Variants in WDFY3 observed in about 807,000 individuals in gnomAD.
The protein encoded by WDFY3 is WD repeat and FYVE domain containing 3.
A neutral mutation model predicts 409.6 loss-of-function variants in WDFY3; 66 were observed. The observed-to-expected ratio is 0.16, with a 90% CI of 0.13 to 0.20. WDFY3 has a LOEUF of 0.20. Ranked by LOEUF, WDFY3 falls within the 10% of genes least tolerant of loss-of-function variation. The pLI is 1.00. For synonymous variants in WDFY3, 1,521 were observed against 1,537.1 expected (o/e 0.99, Z 0.25); for missense variants, 3,031 against 4,298.1 (o/e 0.71, Z 8.24).
In WDFY3 at chr4:84,677,233, G is replaced by A. The variant is rs1242162716; in HGVS notation, c.10423C>T (p.His3475Tyr). Residue 3475 changes from histidine to tyrosine, a missense_variant, in exon 67 of 68, where the codon CAT becomes TAT. By Grantham distance (83) the His-to-Tyr change is moderately conservative. Around this residue, in one of 16 missense-constraint regions of WDFY3, gnomAD observed 378 missense variants for 477.3 expected, o/e 0.79. Transcript: ENST00000295888. ...VRFSLTERRH[H>Y]CRNCGQLFCQ... ...AAGAGCTGACCACAGTTCCTGCAAT[G>A]GTGTCGTCTTTCTGTGAGTGAAAAC... 6.2e-7 allele frequency: 1 copy of A among 1,614,206 alleles called. No individual in the cohort carries two copies. Among genetic ancestry groups the A allele is most frequent in the Non-Finnish European group, 8.5e-7 (1 of 1,180,034 alleles).
intron 3 of WDFY3, among the ~76,000 whole-genome samples, chr4:84,871,925 T>C (rs553151837): frequency 7.9e-5 from 12 of 152,356 alleles, no homozygotes; most frequent in South Asian, 2.1e-4. Flanking sequence ...TGAGCCATCA[T>C]GCCTAGCTTT....
At position 84,757,052 on chromosome 4, in the gene WDFY3, G is replaced by A; in HGVS notation, c.5298C>T (p.His1766=). 1 of 1,614,104 alleles carries A rather than the reference G, an allele frequency of 6.2e-7. No homozygotes were observed. Among genetic ancestry groups the A allele is most frequent in the South Asian group, 1.1e-5 (1 of 91,080 alleles). ...FPVLQSFLPK[H]TNVPALYFLL... ...GAAAATAGAGGGCAGGGACATTAGT[G>A]TGTTTAGGAAGGAATGACTGAAGGA... is the stretch of plus-strand genomic sequence containing the variant. Residue 1766 remains histidine, a synonymous_variant, in exon 33 of 68, where the codon CAC becomes CAT. Coordinates refer to ENST00000295888, the MANE Select transcript of WDFY3 (RefSeq NM_014991.6).
Position 84,767,378 on chromosome 4 carries a change from A to T in WDFY3, c.4850-1006T>A, listed in dbSNP as rs915667952. Among the ~76,000 whole-genome samples the T allele has an allele frequency of 3.3e-5, 5 of 152,204 alleles. No individual in the cohort carries two copies. In the East Asian group the frequency reaches 9.7e-4, roughly 29 times the overall value. On this transcript the variant is annotated intron_variant, in intron 30 of 67. Coordinates refer to ENST00000295888, the MANE Select transcript of WDFY3 (RefSeq NM_014991.6). ...GCCTCCCTATTCCCTGAGTCACAATAATATCGAAATTAGACTAAGTAATAA... is the reference window on the plus strand; with the variant it reads ...GCCTCCCTATTCCCTGAGTCACAATTATATCGAAATTAGACTAAGTAATAA...
chr4:84,699,427 T>C (rs964714566), intron 56 of WDFY3, among the ~76,000 whole-genome samples: 1 of 152,234 alleles, frequency 6.6e-6, no homozygotes, highest in Non-Finnish European at 1.5e-5. Flanking sequence ...TTTCACTGTA[T>C]GTATATGCTA....
chr4:84,699,935 TTG>T (rs1339951947), intron 56 of WDFY3, among the ~76,000 whole-genome samples: 3 of 151,818 alleles, frequency 2.0e-5, no homozygotes, highest in Admixed American at 6.6e-5. Context: ...GTTATAAAAG[TTG>T]TTTATATTCT....
At chr4:84,702,134 A>C (rs1731156531) in intron 56 of WDFY3, among the ~76,000 whole-genome samples, 1 of 152,190 alleles carries the variant, frequency 6.6e-6, no homozygotes, top group Admixed American at 6.5e-5. Context: ...CAGCCTCCTA[A>C]GTAGCTGGGA....
At chr4:84,719,851 T>C (rs1413141077) in intron 47 of WDFY3, among the ~76,000 whole-genome samples, 2 of 152,194 alleles carry the variant, frequency 1.3e-5, no homozygotes, top group Admixed American at 6.5e-5. Context: ...GGTGTACTTT[T>C]ATAGTTACAT....
intron 2 of WDFY3, among the ~76,000 whole-genome samples, chr4:84,908,673 A>G (rs1030841039): frequency 6.6e-6 from 1 of 152,174 alleles, no homozygotes; most frequent in South Asian, 2.1e-4. Flanking sequence ...GCTAGTATGA[A>G]GTATAGCTCT....
chr4:84,745,829 A>G (rs1334315015), intron 36 of WDFY3, among the ~76,000 whole-genome samples: 3 of 152,152 alleles, frequency 2.0e-5, no homozygotes, highest in Non-Finnish European at 4.4e-5. Context: ...AGCCGATACT[A>G]CATTGGGAGT....
At chr4:84,903,827 T>A (rs541550534) in intron 2 of WDFY3, among the ~76,000 whole-genome samples, 1 of 152,326 alleles carries the variant, frequency 6.6e-6, no homozygotes, top group Non-Finnish European at 1.5e-5. Flanking sequence ...CACTACGCTA[T>A]ACACATGTAT....
chr4:84,723,616 A>T (rs1560601917), intron 46 of WDFY3, among the ~76,000 whole-genome samples: 1 of 152,044 alleles, frequency 6.6e-6, no homozygotes, highest in African/African-American at 2.4e-5. Flanking sequence ...GTCAAAATTT[A>T]TAAAGTGAGA....
intron 17 of WDFY3, among the ~76,000 whole-genome samples, chr4:84,798,869 G>A (rs1386628158): frequency 6.9e-6 from 1 of 145,032 alleles, no homozygotes; most frequent in Non-Finnish European, 1.5e-5. Context: ...TATTGCTTAA[G>A]ACTCTTCCAT....
At chr4:84,845,567 C>A (rs1309408489) in intron 5 of WDFY3, among the ~76,000 whole-genome samples, 1 of 151,594 alleles carries the variant, frequency 6.6e-6, no homozygotes, top group African/African-American at 2.4e-5. Context: ...GAGGGTAGAT[C>A]CCATATTAAG....
At chr4:84,706,548 GAAAA>G (rs34198168) in intron 53 of WDFY3, among the ~76,000 whole-genome samples, 1 of 111,240 alleles carries the variant, frequency 9.0e-6, no homozygotes, top group Non-Finnish European at 2.0e-5. Context: ...TTAAAATGGT[GAAAA>G]AAAAAAAAAA....
intron 45 of WDFY3, among the ~76,000 whole-genome samples, 176 bp from the exon 46 acceptor site, chr4:84,724,770 C>G (rs749521944): frequency 2.0e-5 from 3 of 152,124 alleles, no homozygotes; most frequent in Non-Finnish European, 2.9e-5. Flanking sequence ...TTTTAAAATT[C>G]TATTGATTTT....
At chr4:84,930,609 T>C (rs933437308) in intron 2 of WDFY3, among the ~76,000 whole-genome samples, 2 of 152,146 alleles carry the variant, frequency 1.3e-5, no homozygotes, top group Non-Finnish European at 2.9e-5. Flanking sequence ...TAATAGTATG[T>C]CTCCTATATT....
intron 26 of WDFY3, among the ~76,000 whole-genome samples, chr4:84,779,333 A>G (rs1746105443): frequency 6.6e-6 from 1 of 152,142 alleles, no homozygotes; most frequent in African/African-American, 2.4e-5. Context: ...TACTTCGTGT[A>G]TGATAGGTTT....
chr4:84,774,041 T>C (rs1420897677), intron 29 of WDFY3, among the ~76,000 whole-genome samples: 5 of 152,224 alleles, frequency 3.3e-5, no homozygotes. Context: ...AAAATATGTT[T>C]TGAAGGCAAA....
intron 64 of WDFY3, among the ~76,000 whole-genome samples, chr4:84,681,492 C>T (rs1374692859): frequency 6.6e-6 from 1 of 152,142 alleles, no homozygotes; most frequent in Non-Finnish European, 1.5e-5. Context: ...ATTAAAATGT[C>T]CTGCCCAAGG....
Sources: gnomAD v4.1 joint callset for allele counts (sites outside exome capture counted in the v4.1 genomes callset) on GRCh38, gnomAD v4.1.1 for gene constraint, gnomAD v4.1.1 regional missense constraint, MANE v1.5 for transcripts, NCBI Gene and HGNC (gene_info 2026-07-23, HGNC 2026-07-21) for gene names.